The following ATP10B variants were observed in gnomAD, a reference collection of about 807,000 sequenced individuals.
ATP10B encodes the protein ATPase phospholipid transporting 10B (putative), also known as phospholipid-transporting ATPase VB.
In ATP10B, 122 loss-of-function variants were observed where a neutral mutation model predicts 141.2. The ratio of observed to expected loss-of-function variants is 0.86; its 90% CI spans 0.75 to 1.00. The LOEUF is 1.00. ATP10B is among the 50% of genes least tolerant of loss of function. The probability of loss-of-function intolerance (pLI) is 0.00; values close to 1 mark genes in which losing one functional copy is unlikely to be tolerated. For missense variants in ATP10B, 1,876 were observed against 1,825.3 expected (o/e 1.03, Z -0.51); for synonymous variants, 685 against 692.0 (o/e 0.99, Z 0.16).
intron 13 of ATP10B, among the ~76,000 whole-genome samples, chr5:160,623,365 G>A (rs749006882): frequency 6.6e-5 from 10 of 152,178 alleles, no homozygotes; most frequent in African/African-American, 9.7e-5. Context: ...GGCCAATGTA[G>A]AGTAGAGGAC....
At chr5:160,708,824 T>C (rs983116882) in intron 3 of ATP10B, among the ~76,000 whole-genome samples, 4 of 152,202 alleles carry the variant, frequency 2.6e-5, no homozygotes, top group African/African-American at 9.7e-5. Flanking sequence ...GACTCTGATT[T>C]ATCTGCATAA....
Position 160,634,381 on chromosome 5 carries a change from C to G in ATP10B, c.1354G>C (p.Gly452Arg). 6.2e-7 allele frequency: 1 copy of G among 1,614,092 alleles called. No individual in the cohort carries two copies. The change falls in exon 12 of 26, where the codon GGC (glycine) becomes CGC (arginine). Residue 452 changes from glycine to arginine, a missense_variant. Physicochemically the swap from Gly to Arg is moderately radical, Grantham distance 125 (BLOSUM62 -2). Coordinates refer to ENST00000327245, the MANE Select transcript of ATP10B (RefSeq NM_025153.3). Reference protein sequence around the residue: ...KMVFRRCTIMGSEYSHQENAK... With the variant: ...KMVFRRCTIMRSEYSHQENAK... ...TTTTCTTGGTGAGAATACTCGCTGC[C>G]CATGATGGTGCAACGTCGGAACACC...
At chr5:160,729,458 C>T (rs1766590466) in intron 2 of ATP10B, among the ~76,000 whole-genome samples, 1 of 152,164 alleles carries the variant, frequency 6.6e-6, no homozygotes, top group Non-Finnish European at 1.5e-5. Context: ...TGACAGATGC[C>T]TGCCCCTCTG....
In ATP10B at chr5:160,569,701, C is replaced by A; in HGVS notation, c.3751-18G>T. 6.5e-7 allele frequency: 1 copy of A among 1,532,126 alleles called. No individual in the cohort carries two copies. Among genetic ancestry groups the A allele is most frequent in the Non-Finnish European group, 8.8e-7 (1 of 1,141,892 alleles). 94.9% of individuals were successfully genotyped at this position (1,532,126 alleles called of 1,614,324 possible). On this transcript the variant is annotated intron_variant, in intron 24 of 25. Coordinates refer to ENST00000327245, the MANE Select transcript of ATP10B (RefSeq NM_025153.3). ...AAAATGGTCTGTGGAGGGAAATAAG[C>A]AAACACTGTTGAAGGTATAGCTGAG...
chr5:160,834,184 G>A (rs1384762188), intron 1 of ATP10B, among the ~76,000 whole-genome samples: 1 of 152,052 alleles, frequency 6.6e-6, no homozygotes, highest in Non-Finnish European at 1.5e-5. Flanking sequence ...AATTAGCCAG[G>A]TGTGGTGGTA....
chr5:160,683,650 A>C (rs1763568095), intron 6 of ATP10B, among the ~76,000 whole-genome samples: 4 of 152,232 alleles, frequency 2.6e-5, no homozygotes, highest in Admixed American at 2.6e-4. Flanking sequence ...CTGGAGAGTC[A>C]AAAGGAATGA....
chr5:160,763,945 TG>T, intron 2 of ATP10B, among the ~76,000 whole-genome samples: 1 of 152,198 alleles, frequency 6.6e-6, no homozygotes, highest in African/African-American at 2.4e-5. Flanking sequence ...GTGCCTAAAC[TG>T]GAAAGCCTAG....
intron 2 of ATP10B, among the ~76,000 whole-genome samples, chr5:160,720,066 T>C (rs116377001): frequency 2.0e-5 from 3 of 152,218 alleles, no homozygotes; most frequent in South Asian, 2.1e-4. Context: ...TCCCAAGGCA[T>C]TGGTGATTTT....
At chr5:160,722,994 T>C (rs1005110320) in intron 2 of ATP10B, among the ~76,000 whole-genome samples, 5 of 152,244 alleles carry the variant, frequency 3.3e-5, no homozygotes, top group African/African-American at 9.6e-5. Flanking sequence ...TGTGTTTAGA[T>C]AGAATTTTCC....
At chr5:160,607,721 A>G (rs1476502511) in intron 18 of ATP10B, among the ~76,000 whole-genome samples, 1 of 152,194 alleles carries the variant, frequency 6.6e-6, no homozygotes, top group Non-Finnish European at 1.5e-5. Flanking sequence ...TACGGTTATA[A>G]AAGTCTTATT....
chr5:160,648,166 G>C (rs73818115), intron 8 of ATP10B, among the ~76,000 whole-genome samples: 1,827 of 152,202 alleles, frequency 0.012, 43 homozygotes, highest in African/African-American at 0.042. Flanking sequence ...TCGCTTTCTG[G>C]GGTTGTTGTG....
chr5:160,860,374 C>T, the ATP10B span, among the ~76,000 whole-genome samples: 1 of 151,852 alleles, frequency 6.6e-6, no homozygotes, highest in Non-Finnish European at 1.5e-5. Flanking sequence ...ATGATAATTA[C>T]AGGACTGATT....
chr5:160,768,580 T>C (rs947056180), intron 2 of ATP10B, among the ~76,000 whole-genome samples: 1 of 152,194 alleles, frequency 6.6e-6, no homozygotes, highest in African/African-American at 2.4e-5. Flanking sequence ...TTTGCCACTA[T>C]GTTATAAGTG....
At chr5:160,663,232 A>C (rs187090891) in intron 7 of ATP10B, among the ~76,000 whole-genome samples, 1 of 152,040 alleles carries the variant, frequency 6.6e-6, no homozygotes, top group Non-Finnish European at 1.5e-5. Flanking sequence ...TCAGTGTGGC[A>C]ATTCCTCAGG....
chr5:160,843,358 C>G (rs779036532), intron 1 of ATP10B, among the ~76,000 whole-genome samples: 2 of 151,982 alleles, frequency 1.3e-5, no homozygotes, highest in East Asian at 1.9e-4. Flanking sequence ...ATTGCCTTAC[C>G]TACTGAGTAC....
At chr5:160,881,949 T>C in the ATP10B span, among the ~76,000 whole-genome samples, 492 of 152,228 alleles carry the variant, frequency 3.2e-3, 5 homozygotes, top group African/African-American at 0.011. Flanking sequence ...AAAAAGTTAG[T>C]GATCAGGCCA....
chr5:160,708,364 G>A (rs1444316636), intron 3 of ATP10B, among the ~76,000 whole-genome samples: 1 of 152,084 alleles, frequency 6.6e-6, no homozygotes, highest in Admixed American at 6.6e-5. Context: ...TTTCATGAGA[G>A]AGCCAAGGAG....
At chr5:160,793,203 ATTTT>A (rs33964416) in intron 1 of ATP10B, among the ~76,000 whole-genome samples, 65,927 of 146,804 alleles carry the variant, frequency 0.45, 14,400 homozygotes, top group East Asian at 0.6. Context: ...TCAAAGTTCC[ATTTT>A]TTTTTTTTTT....
the ATP10B span, among the ~76,000 whole-genome samples, chr5:160,869,018 C>A: frequency 6.6e-6 from 1 of 152,092 alleles, no homozygotes; most frequent in Non-Finnish European, 1.5e-5. Flanking sequence ...TTTGCTTCTG[C>A]CATCTTGGCT....
Sources: allele counts gnomAD v4.1 joint callset (sites outside exome capture counted in the v4.1 genomes callset), GRCh38; gene constraint gnomAD v4.1.1; transcripts MANE v1.5; gene names NCBI Gene and HGNC (gene_info 2026-07-23, HGNC 2026-07-21).